Variants in SMYD3 observed in about 807,000 individuals in gnomAD.
SMYD3 encodes the protein SET and MYND domain containing 3.
In SMYD3, 36 loss-of-function variants were observed where a neutral mutation model predicts 57.7. The ratio of observed to expected loss-of-function variants is 0.62; its 90% CI spans 0.48 to 0.82. The LOEUF is 0.82. Ranked by LOEUF, SMYD3 falls within the 40% of genes least tolerant of loss-of-function variation. The pLI is 0.00. For synonymous variants in SMYD3, 211 were observed against 195.0 expected, an observed-to-expected ratio of 1.08 and a Z score of -0.68; for missense variants, 515 against 538.8, an observed-to-expected ratio of 0.96 and a Z score of 0.44.
intron 10 of SMYD3, among the ~76,000 whole-genome samples, chr1:245,806,846 C>G (rs1572390874): frequency 7.6e-6 from 1 of 132,018 alleles, no homozygotes; most frequent in Admixed American, 8.7e-5. Flanking sequence ...GGAGGCGGAG[C>G]TTGCAGTGAG....
At chr1:245,804,435 G>A (rs773006824) in intron 10 of SMYD3, among the ~76,000 whole-genome samples, 9 of 152,104 alleles carry the variant, frequency 5.9e-5, no homozygotes, top group Non-Finnish European at 1.3e-4. Flanking sequence ...ACGGGCGCCT[G>A]TAGTCCCAGC....
At chr1:246,422,406 G>C (rs1393415435) in intron 1 of SMYD3, among the ~76,000 whole-genome samples, 2 of 147,902 alleles carry the variant, frequency 1.4e-5, no homozygotes, top group Non-Finnish European at 3.0e-5. Context: ...AGTGACAAAG[G>C]CTACAATGTT....
At position 246,204,958 on chromosome 1, in the gene SMYD3, T is replaced by C. The variant is rs542899710; in HGVS notation, c.531+122243A>G. On this transcript the variant is annotated intron_variant, in intron 5 of 11. Transcript: ENST00000490107. ...GAAATACATCAGGCCAGAACTATCT[T>C]TTACATCTGTTAGCCTGAGAGCCAG... Among the ~76,000 whole-genome samples the C allele has an allele frequency of 3.9e-5, 6 of 152,326 alleles. No homozygotes were observed. The South Asian group carries it at 1.0e-3, about 26-fold the overall frequency.
At chr1:246,057,933 T>C (rs1251407797) in intron 5 of SMYD3, among the ~76,000 whole-genome samples, 1 of 152,156 alleles carries the variant, frequency 6.6e-6, no homozygotes, top group Non-Finnish European at 1.5e-5. Flanking sequence ...AAGTAAGTGA[T>C]GTTATCAAGC....
Position 245,983,540 on chromosome 1 carries a change from C to T in SMYD3, c.532-53603G>A, listed in dbSNP as rs77287216. Among the ~76,000 whole-genome samples the T allele has an allele frequency of 3.1e-3, 466 of 152,304 alleles. 2 individuals carry two copies. The highest frequency in any genetic ancestry group is 0.01 in the African/African-American group (421 of 41,572). On this transcript the variant is annotated intron_variant, in intron 5 of 11. Transcript: ENST00000490107. Reference sequence around the variant, plus strand: ...TTTGACTTTTCTTCTTAAAAATCTACGTCCTGTTTTGCTGTTGTTCATTTC... The same window carrying T: ...TTTGACTTTTCTTCTTAAAAATCTATGTCCTGTTTTGCTGTTGTTCATTTC...
chr1:246,014,052 T>C (rs1460676396), intron 5 of SMYD3, among the ~76,000 whole-genome samples: 3 of 152,288 alleles, frequency 2.0e-5, no homozygotes, highest in East Asian at 1.9e-4. Context: ...CGGCCAGGCG[T>C]GGTGGCTCAC....
At chr1:245,834,578 G>A (rs2050010202) in intron 10 of SMYD3, among the ~76,000 whole-genome samples, 1 of 152,218 alleles carries the variant, frequency 6.6e-6, no homozygotes. Context: ...GAACACTGTA[G>A]TGGCAGGTGG....
intron 5 of SMYD3, among the ~76,000 whole-genome samples, chr1:246,201,719 A>G (rs1039712641): frequency 9.2e-5 from 14 of 152,312 alleles, no homozygotes; most frequent in Admixed American, 7.8e-4. Flanking sequence ...GGTTTATTAA[A>G]AACTATTTTC....
At chr1:246,374,858 C>T (rs1012185435) in intron 1 of SMYD3, among the ~76,000 whole-genome samples, 10 of 151,918 alleles carry the variant, frequency 6.6e-5, no homozygotes, top group African/African-American at 2.2e-4. Flanking sequence ...TTTGGGGGGC[C>T]GAGGCAGGCG....
At chr1:246,158,210 CTCTT>C (rs1175395980) in intron 5 of SMYD3, among the ~76,000 whole-genome samples, 2 of 152,204 alleles carry the variant, frequency 1.3e-5, no homozygotes, top group African/African-American at 4.8e-5. Flanking sequence ...TCCCCTGACT[CTCTT>C]TCTCCATCAT....
At chr1:246,097,017 T>C (rs1039473766) in intron 5 of SMYD3, among the ~76,000 whole-genome samples, 3 of 152,204 alleles carry the variant, frequency 2.0e-5, no homozygotes, top group Non-Finnish European at 2.9e-5. Context: ...AACATAGACA[T>C]GCAATTTACA....
intron 5 of SMYD3, among the ~76,000 whole-genome samples, chr1:246,152,864 C>T (rs2061963951): frequency 6.8e-6 from 1 of 146,386 alleles, no homozygotes; most frequent in Admixed American, 7.0e-5. Flanking sequence ...CTATTTCACA[C>T]TGTTTTGAGG....
intron 5 of SMYD3, among the ~76,000 whole-genome samples, chr1:246,162,729 G>A (rs1469173550): frequency 2.0e-5 from 3 of 152,166 alleles, no homozygotes; most frequent in Admixed American, 6.5e-5. Flanking sequence ...GTTACTCAGA[G>A]GTACAGAGAC....
chr1:245,859,337 G>A (rs2051416080), intron 9 of SMYD3, among the ~76,000 whole-genome samples: 2 of 152,136 alleles, frequency 1.3e-5, no homozygotes, highest in South Asian at 4.2e-4. Context: ...TAGGAACATG[G>A]CTTATGCACA....
At chr1:246,140,154 C>T (rs188551977) in intron 5 of SMYD3, among the ~76,000 whole-genome samples, 42 of 152,266 alleles carry the variant, frequency 2.8e-4, no homozygotes, top group African/African-American at 9.9e-4. Context: ...CAGTAATGGT[C>T]AATGAGGTAC....
In SMYD3 at chr1:245,832,418, CT is replaced by C. The variant is rs141401312; in HGVS notation, c.1076+26077del. Among the ~76,000 whole-genome samples, 863 of 151,490 alleles carry C rather than the reference CT, an allele frequency of 5.7e-3. 20 individuals carry two copies. Among genetic ancestry groups the C allele is most frequent in the African/African-American group, 0.02 (832 of 40,892 alleles). On this transcript the variant is annotated intron_variant, in intron 10 of 11. Transcript: ENST00000490107. ...AAGTTTGGGACAATGCATTCCACCC[CT>C]GTCTTATTTCTAAGATTCTAAGACA...
At chr1:245,827,026 C>T (rs539633007) in intron 10 of SMYD3, among the ~76,000 whole-genome samples, 12 of 152,116 alleles carry the variant, frequency 7.9e-5, no homozygotes, top group African/African-American at 1.2e-4. Context: ...GCTTCACTCT[C>T]GGAAGAGCTT....
intron 1 of SMYD3, among the ~76,000 whole-genome samples, chr1:246,499,880 T>C (rs987622995): frequency 2.6e-5 from 4 of 152,230 alleles, no homozygotes; most frequent in African/African-American, 9.7e-5. Context: ...TTTAAATCCC[T>C]ATCAAATCCA....
intron 5 of SMYD3, among the ~76,000 whole-genome samples, chr1:246,324,151 A>G (rs2065297329): frequency 6.6e-6 from 1 of 152,326 alleles, no homozygotes; most frequent in South Asian, 2.1e-4. Context: ...GCGGTAGCTC[A>G]CGTCTGTAAT....
Sources: allele counts gnomAD v4.1 joint callset (sites outside exome capture counted in the v4.1 genomes callset), GRCh38; gene constraint gnomAD v4.1.1; transcripts MANE v1.5; gene names NCBI Gene and HGNC (gene_info 2026-07-23, HGNC 2026-07-21).